LINGO2: variants seen among roughly 807,000 people sequenced by gnomAD.
LINGO2 encodes the protein leucine-rich repeat and immunoglobulin-like domain-containing nogo receptor-interacting protein 2.
Under a neutral mutation model 30.6 loss-of-function variants are expected in LINGO2, and 14 were observed. The ratio of observed to expected loss-of-function variants is 0.46; its 90% CI spans 0.30 to 0.72. The LOEUF is 0.72. Among genes scored for constraint, LINGO2 ranks in the 30% least tolerant of loss-of-function variants. The pLI is 0.07. For missense variants in LINGO2, 729 were observed against 751.7 expected, an observed-to-expected ratio of 0.97 and a Z score of 0.35; for synonymous variants, 317 against 288.5, an observed-to-expected ratio of 1.10 and a Z score of -1.00.
At chr9:27,983,860 T>C (rs949059685) in intron 5 of LINGO2, among the ~76,000 whole-genome samples, 52 of 151,862 alleles carry the variant, frequency 3.4e-4, no homozygotes, top group African/African-American at 1.2e-3. Context: ...ATCCCAGAGT[T>C]TTTTCTCTGC....
the LINGO2 span, among the ~76,000 whole-genome samples, chr9:28,932,567 T>C: frequency 6.6e-6 from 1 of 152,214 alleles, no homozygotes; most frequent in East Asian, 1.9e-4. Context: ...CTTTTAAATC[T>C]TTACCTCTAT....
the LINGO2 span, among the ~76,000 whole-genome samples, chr9:29,183,042 C>T: frequency 7.2e-5 from 11 of 152,206 alleles, no homozygotes; most frequent in South Asian, 1.0e-3. Context: ...CAAAATAAAA[C>T]TAGCAAATGA....
chr9:28,216,992 A>T (rs577840438), intron 4 of LINGO2, among the ~76,000 whole-genome samples: 1 of 151,882 alleles, frequency 6.6e-6, no homozygotes, highest in African/African-American at 2.4e-5. Context: ...GGCATAAAAA[A>T]CTGTAATGCC....
At chr9:29,015,527 CT>C in the LINGO2 span, among the ~76,000 whole-genome samples, 1 of 152,086 alleles carries the variant, frequency 6.6e-6, no homozygotes, top group African/African-American at 2.4e-5. Flanking sequence ...ATGAATGCAG[CT>C]GTGTTCTAAT....
At chr9:28,695,195 G>A in the LINGO2 span, among the ~76,000 whole-genome samples, 2 of 151,698 alleles carry the variant, frequency 1.3e-5, no homozygotes, top group Non-Finnish European at 2.9e-5. Flanking sequence ...TTTAAAAGAT[G>A]GCATTGAATC....
chr9:28,861,160 A>G, the LINGO2 span, among the ~76,000 whole-genome samples: 5 of 115,854 alleles, frequency 4.3e-5, no homozygotes, highest in Non-Finnish European at 6.5e-5. Context: ...TATATTATAT[A>G]AATATATAAA....
chr9:27,992,892 C>T (rs1368944627), intron 5 of LINGO2, among the ~76,000 whole-genome samples: 2 of 152,102 alleles, frequency 1.3e-5, no homozygotes, highest in African/African-American at 4.8e-5. Flanking sequence ...ACTTTCTATA[C>T]ATAGACACAT....
chr9:28,166,174 A>G lies in LINGO2; in HGVS notation c.-87+129034T>C, dbSNP rs1340150266. Among the ~76,000 whole-genome samples the G allele has an allele frequency of 1.3e-5, 2 of 152,368 alleles. 1 individual carries two copies. Among genetic ancestry groups the G allele is most frequent in the South Asian group, 4.1e-4 (2 of 4,832 alleles). On this transcript the variant is annotated intron_variant, in intron 4 of 5. Coordinates refer to ENST00000379992, the Ensembl canonical transcript of LINGO2. ...TAGGTACAGAGCATATAAGGATGAA[A>G]GAAACAAACAAACTAACCAACAAAC... is the stretch of plus-strand genomic sequence containing the variant.
the LINGO2 span, among the ~76,000 whole-genome samples, chr9:29,127,866 C>T: frequency 6.6e-6 from 1 of 152,120 alleles, no homozygotes; most frequent in Non-Finnish European, 1.5e-5. Flanking sequence ...GCGAATTAAA[C>T]CCTCTTTTCT....
chr9:28,651,598 T>A (rs561322269), intron 1 of LINGO2, among the ~76,000 whole-genome samples: 2 of 152,132 alleles, frequency 1.3e-5, no homozygotes, highest in Non-Finnish European at 2.9e-5. Flanking sequence ...AGGTCTCTAT[T>A]TGGCATACAT....
chr9:28,350,066 T>C (rs868005302), intron 3 of LINGO2, among the ~76,000 whole-genome samples: 3,612 of 151,252 alleles, frequency 0.024, 46 homozygotes, highest in Middle Eastern at 0.044. Context: ...TAAAGACCAT[T>C]GAGACTAGGA....
intron 4 of LINGO2, among the ~76,000 whole-genome samples, chr9:28,157,596 G>C (rs1828168987): frequency 6.6e-6 from 1 of 152,178 alleles, no homozygotes; most frequent in African/African-American, 2.4e-5. Flanking sequence ...CTCAGAAAAT[G>C]ATTTTTTTCT....
rs1162761397 is a variant in LINGO2, at chr9:28,117,097, T to C, written c.-86-104692A>G. ...TGTACAGATGGGTTTTCGGTGTAGA[T>C]GTCCTTTCTGGTTGTTAGTTTTCCT... On this transcript the variant is annotated intron_variant, in intron 4 of 5. Transcript: ENST00000379992. 1.9e-3 allele frequency among the ~76,000 whole-genome samples: 266 copies of C among 139,668 alleles called. 16 individuals are homozygous for C. In the South Asian group the frequency reaches 0.062, roughly 33 times the overall value. 91.6% of individuals were successfully genotyped at this position (139,668 alleles called of 152,430 possible).
At chr9:28,159,058 A>G (rs1022398063) in intron 4 of LINGO2, among the ~76,000 whole-genome samples, 1 of 152,198 alleles carries the variant, frequency 6.6e-6, no homozygotes, top group African/African-American at 2.4e-5. Context: ...TGACTGCTAG[A>G]TTCTTAGACA....
At chr9:29,022,510 T>C in the LINGO2 span, among the ~76,000 whole-genome samples, 1 of 152,188 alleles carries the variant, frequency 6.6e-6, no homozygotes, top group Non-Finnish European at 1.5e-5. Flanking sequence ...GGGACTGAAA[T>C]TCAATGAGTT....
At chr9:28,030,975 G>A (rs1370416613) in intron 4 of LINGO2, among the ~76,000 whole-genome samples, 4 of 152,196 alleles carry the variant, frequency 2.6e-5, no homozygotes, top group Non-Finnish European at 5.9e-5. Context: ...GCAAGAGATA[G>A]ATGAGAGAGA....
intron 4 of LINGO2, among the ~76,000 whole-genome samples, chr9:28,059,389 G>T (rs970299708): frequency 6.6e-6 from 1 of 151,928 alleles, no homozygotes; most frequent in African/African-American, 2.4e-5. Flanking sequence ...TTTGTTTCTC[G>T]AACTGTCTTT....
chr9:28,428,850 C>A (rs1364661532), intron 2 of LINGO2, among the ~76,000 whole-genome samples: 1 of 152,096 alleles, frequency 6.6e-6, no homozygotes, highest in African/African-American at 2.4e-5. Context: ...TTAATATCTA[C>A]TGCATTTAGG....
intron 3 of LINGO2, among the ~76,000 whole-genome samples, chr9:28,310,100 C>A (rs1433415624): frequency 1.3e-5 from 2 of 152,060 alleles, no homozygotes; most frequent in Non-Finnish European, 2.9e-5. Flanking sequence ...TTTGATGTTC[C>A]TTAAAATGTT....
Sources: gnomAD v4.1 joint callset for allele counts (sites outside exome capture counted in the v4.1 genomes callset) on GRCh38, gnomAD v4.1.1 for gene constraint, MANE v1.5 for transcripts, NCBI Gene and HGNC (gene_info 2026-07-23, HGNC 2026-07-21) for gene names.